Variants in OR10J1 observed in about 807,000 individuals in gnomAD.
The protein encoded by OR10J1 is olfactory receptor 10J1.
For synonymous variants in OR10J1, 202 were observed against 143.8 expected (o/e 1.40, Z -2.89); for missense variants, 474 against 376.6 (o/e 1.26, Z -2.14).
chr1:159,425,203 T>C, the OR10J1 span, among the ~76,000 whole-genome samples: 1 of 152,156 alleles, frequency 6.6e-6, no homozygotes, highest in African/African-American at 2.4e-5. Flanking sequence ...ATGTTCTTGT[T>C]CTCAGATAGT....
chr1:159,404,095 C>A, the OR10J1 span, among the ~76,000 whole-genome samples: 1 of 151,836 alleles, frequency 6.6e-6, no homozygotes, highest in African/African-American at 2.4e-5. Flanking sequence ...TAGAGAGCAA[C>A]CAGAGGCTGA....
chr1:159,418,472 G>A, the OR10J1 span, among the ~76,000 whole-genome samples: 3 of 152,166 alleles, frequency 2.0e-5, no homozygotes, highest in South Asian at 6.2e-4. Flanking sequence ...CTTGGCAGCT[G>A]CCATGTGGTG....
the OR10J1 span, among the ~76,000 whole-genome samples, chr1:159,421,799 C>G: frequency 6.6e-6 from 1 of 152,106 alleles, no homozygotes; most frequent in Middle Eastern, 3.2e-3. Flanking sequence ...GATAATCATG[C>G]CTGTTCATGG....
At chr1:159,408,035 A>G in the OR10J1 span, among the ~76,000 whole-genome samples, 46 of 152,058 alleles carry the variant, frequency 3.0e-4, no homozygotes, top group Non-Finnish European at 6.0e-4. Context: ...AAAGAATACT[A>G]TAAAGGAGGT....
the OR10J1 span, among the ~76,000 whole-genome samples, chr1:159,409,363 C>A: frequency 6.6e-6 from 1 of 152,028 alleles, no homozygotes; most frequent in Non-Finnish European, 1.5e-5. Context: ...TTGTTTTTAA[C>A]TTTTTAGGCC....
chr1:159,416,754 C>T, the OR10J1 span, among the ~76,000 whole-genome samples: 1 of 152,010 alleles, frequency 6.6e-6, no homozygotes, highest in Non-Finnish European at 1.5e-5. Context: ...GATCCAATCT[C>T]ATTACTCATT....
chr1:159,439,738 T>G lies in OR10J1; in HGVS notation c.-54T>G. 6.2e-7 allele frequency: 1 copy of G among 1,607,678 alleles called. No homozygotes were observed. On this transcript the variant is annotated 5_prime_UTR_variant, in exon 1 of 1. Transcript: ENST00000423932. ...TTTCAGAAATGTGCTTCTACTGCTT[T>G]ACTGGGACTATGTGACTTTTATGCT...
chr1:159,436,965 C>T (rs1655753824), upstream of OR10J1, among the ~76,000 whole-genome samples: 1 of 152,204 alleles, frequency 6.6e-6, no homozygotes, highest in African/African-American at 2.4e-5. Flanking sequence ...AGCACCTCAT[C>T]CATTTCTGTA....
At chr1:159,423,062 C>T in the OR10J1 span, among the ~76,000 whole-genome samples, 5 of 152,198 alleles carry the variant, frequency 3.3e-5, no homozygotes, top group African/African-American at 7.2e-5. Context: ...AGTCAGCCAT[C>T]TTGAAGCCCC....
upstream of OR10J1, chr1:159,437,712 G>A (rs1655777128): frequency 6.6e-6 from 1 of 152,204 alleles, no homozygotes; most frequent in Non-Finnish European, 1.5e-5. Flanking sequence ...AGCCCCAGGG[G>A]GGTGGCTGTC....
the OR10J1 span, among the ~76,000 whole-genome samples, chr1:159,398,447 G>C: frequency 6.6e-6 from 1 of 152,176 alleles, no homozygotes; most frequent in Non-Finnish European, 1.5e-5. Context: ...ACAGAGATAT[G>C]TGACCTTTCA....
At chr1:159,421,935 C>T in the OR10J1 span, among the ~76,000 whole-genome samples, 10 of 152,016 alleles carry the variant, frequency 6.6e-5, no homozygotes, top group East Asian at 3.9e-4. Context: ...AGCACCTGGG[C>T]GTCAGGCGTG....
At chr1:159,413,737 C>T in the OR10J1 span, among the ~76,000 whole-genome samples, 1 of 150,386 alleles carries the variant, frequency 6.6e-6, no homozygotes, top group Non-Finnish European at 1.5e-5. Context: ...ATACCTAATG[C>T]TAAATGATGA....
At chr1:159,415,678 G>T in the OR10J1 span, among the ~76,000 whole-genome samples, 1 of 151,826 alleles carries the variant, frequency 6.6e-6, no homozygotes, top group East Asian at 1.9e-4. Context: ...TAATTTTAAT[G>T]ATATGAATAT....
chr1:159,406,321 C>A, the OR10J1 span: 1 of 498,666 alleles, frequency 2.0e-6, no homozygotes, highest in Non-Finnish European at 4.1e-6. Context: ...GCTGGAGAAA[C>A]CTTCAAAGAA....
At chr1:159,408,565 T>G in the OR10J1 span, among the ~76,000 whole-genome samples, 1 of 151,610 alleles carries the variant, frequency 6.6e-6, no homozygotes, top group Middle Eastern at 3.2e-3. Context: ...TGTATACATA[T>G]GTAACTAACC....
the OR10J1 span, among the ~76,000 whole-genome samples, chr1:159,403,971 A>G: frequency 1.3e-5 from 2 of 152,142 alleles, no homozygotes; most frequent in Non-Finnish European, 2.9e-5. Flanking sequence ...AACAACATGA[A>G]TGGAACTGGA....
the OR10J1 span, among the ~76,000 whole-genome samples, chr1:159,401,823 G>A: frequency 2.6e-5 from 4 of 151,932 alleles, no homozygotes; most frequent in African/African-American, 9.7e-5. Flanking sequence ...TATTTTTTAT[G>A]AATATTGATG....
the OR10J1 span, among the ~76,000 whole-genome samples, chr1:159,428,337 C>A: frequency 6.6e-6 from 1 of 152,078 alleles, no homozygotes; most frequent in Non-Finnish European, 1.5e-5. Context: ...CTCCCTAAAC[C>A]CATCTTTCTT....
Sources: allele counts gnomAD v4.1 joint callset (sites outside exome capture counted in the v4.1 genomes callset), GRCh38; gene constraint gnomAD v4.1.1; transcripts MANE v1.5; gene names NCBI Gene and HGNC (gene_info 2026-07-23, HGNC 2026-07-21).